DMD: variants seen among roughly 807,000 people sequenced by gnomAD.
DMD encodes dystrophin.
DMD carries 63 observed loss-of-function variants against 330.1 expected under a neutral mutation model. The ratio of observed to expected loss-of-function variants is 0.19; its 90% CI spans 0.16 to 0.24. The LOEUF (loss-of-function observed/expected upper bound fraction) is 0.24, where lower values mean the gene tolerates loss of function less well. Ranked by LOEUF, DMD falls within the 10% of genes least tolerant of loss-of-function variation. The pLI is 1.00. For synonymous variants in DMD, 1,223 were observed against 959.8 expected, an observed-to-expected ratio of 1.27 and a Z score of -5.07; for missense variants, 3,344 against 2,684.1, an observed-to-expected ratio of 1.25 and a Z score of -5.43.
At chrX:32,873,754 G>A (rs539741377) in intron 2 of DMD, among the ~76,000 whole-genome samples, 11 of 111,976 alleles carry the variant, frequency 9.8e-5, no homozygotes, top group East Asian at 5.6e-4. Flanking sequence ...CTCCAAAGTC[G>A]AATAAAAATC....
chrX:32,065,356 G>A (rs1054303702), intron 44 of DMD, among the ~76,000 whole-genome samples: 7 of 111,021 alleles, frequency 6.3e-5, no homozygotes, highest in African/African-American at 9.8e-5. Context: ...ATTACACTCC[G>A]TATTTCTCTC....
intron 1 of DMD, among the ~76,000 whole-genome samples, chrX:33,054,017 T>C (rs972411384): frequency 8.9e-6 from 1 of 111,810 alleles, no homozygotes; most frequent in African/African-American, 3.3e-5. Flanking sequence ...AGGAAAACTC[T>C]TTTTGATAAC....
intron 2 of DMD, among the ~76,000 whole-genome samples, chrX:32,902,126 A>C (rs2086301267): frequency 2.9e-5 from 3 of 103,231 alleles, no homozygotes; most frequent in African/African-American, 1.1e-4. Context: ...AGCCAAAATA[A>C]ATTCCTCATA....
chrX:32,280,790 C>T (rs749115953), intron 43 of DMD, among the ~76,000 whole-genome samples: 5 of 111,752 alleles, frequency 4.5e-5, no homozygotes, highest in South Asian at 3.7e-4. Context: ...CTATTCTTTC[C>T]TTATATGGGT....
chrX:32,680,338 A>C (rs2062313736), intron 9 of DMD, among the ~76,000 whole-genome samples: 1 of 111,707 alleles, frequency 9.0e-6, no homozygotes, highest in Admixed American at 9.5e-5. Context: ...TTCAAATACA[A>C]TCAAAATACT....
intron 7 of DMD, among the ~76,000 whole-genome samples, chrX:32,721,332 G>C (rs1438965634): frequency 1.8e-5 from 2 of 110,273 alleles, no homozygotes; most frequent in African/African-American, 6.6e-5. Context: ...CCAGCAGTAT[G>C]TCAGGGTTCC....
At position 32,138,660 on chromosome X, in the gene DMD, A is replaced by G. The variant is rs768403721; in HGVS notation, c.6438+78256T>C. On this transcript the variant is annotated intron_variant, in intron 44 of 78. Transcript: ENST00000357033. ...ATATTGCATACTAAGTGTGTGGTGG[A>G]TGGTTGCCAAGACCTGCACAGAGCA... Among the ~76,000 whole-genome samples, 176 of 111,995 alleles carry G rather than the reference A, an allele frequency of 1.6e-3. 1 individual carries two copies. The highest frequency in any genetic ancestry group is 5.1e-3 in the African/African-American group (157 of 30,791).
chrX:33,041,603 G>T (rs2094303149), intron 1 of DMD: 2 of 1,209,718 alleles, frequency 1.7e-6, no homozygotes, highest in African/African-American at 3.5e-5. Context: ...TGCCAGCGCA[G>T]GTTGGAAGCC....
chrX:32,673,970 G>C (rs1408374288), intron 9 of DMD, among the ~76,000 whole-genome samples: 1 of 111,688 alleles, frequency 9.0e-6, no homozygotes, highest in Non-Finnish European at 1.9e-5. Context: ...AAAACACCTT[G>C]TTATCACTCA....
rs200250127 is a variant in DMD, at chrX:32,885,829, A to G, written c.94-36009T>C. ...CCGTAATTGTTTCCCTTGAGGGGGA[A>G]AAAAAAAAAAAAAAAAAAAACCTTT... On this transcript the variant is annotated intron_variant, in intron 2 of 78. Transcript: ENST00000357033. 4.1e-3 allele frequency among the ~76,000 whole-genome samples: 377 copies of G among 92,462 alleles called. 2 individuals carry two copies. In the East Asian group the frequency reaches 0.045, roughly 11 times the overall value. 80.3% of individuals were successfully genotyped at this position (92,462 alleles called of 115,157 possible).
chrX:32,147,818 T>C (rs2096784910), intron 44 of DMD, among the ~76,000 whole-genome samples: 1 of 110,184 alleles, frequency 9.1e-6, no homozygotes, highest in Non-Finnish European at 1.9e-5. Flanking sequence ...AGTCTTACTG[T>C]TTGGGTCTGA....
intron 1 of DMD, among the ~76,000 whole-genome samples, chrX:33,245,540 G>A: frequency 8.9e-6 from 1 of 112,172 alleles, no homozygotes; most frequent in East Asian, 2.8e-4. Flanking sequence ...TTGTTGTCTT[G>A]TTCTGCTGAA....
At chrX:31,812,251 G>A (rs959136560) in intron 50 of DMD, among the ~76,000 whole-genome samples, 6 of 109,667 alleles carry the variant, frequency 5.5e-5, no homozygotes, top group Non-Finnish European at 1.1e-4. Flanking sequence ...AAAATGATGA[G>A]TTCATGTCCT....
At chrX:32,187,571 T>C (rs955948349) in intron 44 of DMD, among the ~76,000 whole-genome samples, 4 of 111,810 alleles carry the variant, frequency 3.6e-5, no homozygotes, top group Non-Finnish European at 7.6e-5. Context: ...GGGCAGTAAC[T>C]GCAACCAAGT....
At chrX:32,732,179 T>C (rs765209910) in intron 7 of DMD, among the ~76,000 whole-genome samples, 4 of 110,977 alleles carry the variant, frequency 3.6e-5, no homozygotes, top group Non-Finnish European at 7.5e-5. Flanking sequence ...AAGATGAAAT[T>C]AATGAAATGA....
At chrX:32,089,784 T>C (rs2096463688) in intron 44 of DMD, among the ~76,000 whole-genome samples, 1 of 112,287 alleles carries the variant, frequency 8.9e-6, no homozygotes, top group Non-Finnish European at 1.9e-5. Flanking sequence ...GTAGAATGAT[T>C]TCTATTCCTC....
chrX:32,001,388 C>T (rs141850066), intron 44 of DMD, among the ~76,000 whole-genome samples: 109 of 110,640 alleles, frequency 9.9e-4, no homozygotes, highest in African/African-American at 3.4e-3. Flanking sequence ...CGAGAAACAA[C>T]AATAAAAATA....
chrX:32,999,557 T>C (rs2093217450), intron 2 of DMD, among the ~76,000 whole-genome samples: 1 of 109,843 alleles, frequency 9.1e-6, no homozygotes, highest in South Asian at 3.9e-4. Flanking sequence ...GGCGGGCAGA[T>C]CACGAGGTCA....
At chrX:32,106,201 C>T (rs2096563381) in intron 44 of DMD, among the ~76,000 whole-genome samples, 1 of 111,472 alleles carries the variant, frequency 9.0e-6, no homozygotes, top group Non-Finnish European at 1.9e-5. Context: ...TTCTGTAGTA[C>T]ATAAATGATG....
Sources: allele counts gnomAD v4.1 joint callset (sites outside exome capture counted in the v4.1 genomes callset), GRCh38; gene constraint gnomAD v4.1.1; transcripts MANE v1.5; gene names NCBI Gene and HGNC (gene_info 2026-07-23, HGNC 2026-07-21).